Variants in FBXL17 observed in about 807,000 individuals in gnomAD.
FBXL17 encodes the protein F-box and leucine rich repeat protein 17, also known as F-box/LRR-repeat protein 17.
A neutral mutation model predicts 66.2 loss-of-function variants in FBXL17; 22 were observed. The observed-to-expected ratio is 0.33, with a 90% confidence interval of 0.24 to 0.47. The LOEUF (loss-of-function observed/expected upper bound fraction) is 0.47, where lower values mean the gene tolerates loss of function less well. Ranked by LOEUF, FBXL17 falls within the 20% of genes least tolerant of loss-of-function variation. The pLI is 1.00. For missense variants in FBXL17, 878 were observed against 948.2 expected (o/e 0.93, Z 0.97); for synonymous variants, 474 against 400.5 (o/e 1.18, Z -2.19).
chr5:108,273,308 G>A (rs892604641), intron 4 of FBXL17, among the ~76,000 whole-genome samples: 2 of 151,750 alleles, frequency 1.3e-5, no homozygotes, highest in Non-Finnish European at 2.9e-5. Context: ...CCTGCACATT[G>A]TGCACATGTA....
At chr5:108,159,693 T>G (rs1019280533) in intron 6 of FBXL17, among the ~76,000 whole-genome samples, 1 of 152,212 alleles carries the variant, frequency 6.6e-6, no homozygotes, top group African/African-American at 2.4e-5. Flanking sequence ...CATTCTGTTA[T>G]AGCAACCTGA....
chr5:108,018,342 G>A (rs182086560), intron 7 of FBXL17, among the ~76,000 whole-genome samples: 91 of 152,262 alleles, frequency 6.0e-4, no homozygotes, highest in Admixed American at 2.7e-3. Context: ...TAATAATAGG[G>A]TAGGGGGGAC....
At chr5:108,065,611 G>A (rs1263986408) in intron 6 of FBXL17, among the ~76,000 whole-genome samples, 1 of 152,102 alleles carries the variant, frequency 6.6e-6, no homozygotes. Context: ...AATAATTCAA[G>A]GTGTATGATT....
At chr5:108,057,531 C>G (rs1747755620) in intron 6 of FBXL17, among the ~76,000 whole-genome samples, 1 of 152,222 alleles carries the variant, frequency 6.6e-6, no homozygotes, top group Non-Finnish European at 1.5e-5. Flanking sequence ...CTTTTTGGAG[C>G]CTTTCTGATG....
chr5:108,331,820 A>C (rs995739414), intron 4 of FBXL17, among the ~76,000 whole-genome samples: 1 of 152,206 alleles, frequency 6.6e-6, no homozygotes, highest in Non-Finnish European at 1.5e-5. Flanking sequence ...CAACAAATCA[A>C]AACTGAAAAA....
chr5:107,927,590 A>G (rs1447517881), intron 7 of FBXL17, among the ~76,000 whole-genome samples: 1 of 152,182 alleles, frequency 6.6e-6, no homozygotes, highest in Admixed American at 6.6e-5. Flanking sequence ...TACTATGAAC[A>G]CATAATGATT....
chr5:108,025,701 ACAAAC>A lies in FBXL17; in HGVS notation c.1746-4705_1746-4701del, dbSNP rs1561373743. Among the ~76,000 whole-genome samples, 14 of 126,942 alleles carry A rather than the reference ACAAAC, an allele frequency of 1.1e-4. No homozygotes were observed. In the East Asian group the frequency reaches 2.4e-3, roughly 21 times the overall value. The allele number at this position is 126,942 out of a possible 152,430, so 83.3% of individuals were successfully genotyped here. ...CACATACACACACACACACACACAC[ACAAAC>A]ACACACACACACGCGCGCGCGCACA... On this transcript the variant is annotated intron_variant, in intron 6 of 8. Transcript: ENST00000542267.
chr5:107,973,354 A>ATTTTTTTTTTT (rs200079422), intron 7 of FBXL17, among the ~76,000 whole-genome samples: 7 of 120,456 alleles, frequency 5.8e-5, no homozygotes, highest in Non-Finnish European at 1.1e-4. Flanking sequence ...TTTTTTTGTA[A>ATTTTTTTTTTT]TTTTTTTTTT....
rs377199204 is a variant in FBXL17 at position 108,295,904 on chromosome 5, G to T, written c.1506+52495C>A. On this transcript the variant is annotated intron_variant, in intron 4 of 8. Transcript: ENST00000542267. ...TCGACTGTGTAGCACACAGTAGATA[G>T]CCATTAAAGAATCTTTAAAATGACC... Among the ~76,000 whole-genome samples the T allele has an allele frequency of 3.2e-4, 48 of 147,714 alleles. 2 individuals are homozygous for T. The South Asian group carries it at 1.0e-2, about 31-fold the overall frequency.
chr5:108,052,366 T>G (rs1267514913), intron 6 of FBXL17, among the ~76,000 whole-genome samples: 1 of 152,150 alleles, frequency 6.6e-6, no homozygotes, highest in East Asian at 1.9e-4. Context: ...AGTCTCAGGA[T>G]ACAAAATCAA....
At chr5:108,258,406 T>C (rs1580702648) in intron 4 of FBXL17, among the ~76,000 whole-genome samples, 1 of 152,284 alleles carries the variant, frequency 6.6e-6, no homozygotes, top group East Asian at 1.9e-4. Context: ...ATATGAAACA[T>C]GAACTTAAAA....
At chr5:108,120,104 C>G (rs147769012) in intron 6 of FBXL17, among the ~76,000 whole-genome samples, 1 of 152,318 alleles carries the variant, frequency 6.6e-6, no homozygotes, top group Non-Finnish European at 1.5e-5. Context: ...GGCTTGAGAA[C>G]AGCATCTTAA....
chr5:108,210,425 C>G (rs1754316388), intron 5 of FBXL17, among the ~76,000 whole-genome samples: 1 of 152,130 alleles, frequency 6.6e-6, no homozygotes, highest in African/African-American at 2.4e-5. Context: ...TTAGATCTTT[C>G]CTGCTTTCTC....
chr5:108,295,783 G>A (rs1030893729), intron 4 of FBXL17, among the ~76,000 whole-genome samples: 4 of 151,896 alleles, frequency 2.6e-5, no homozygotes, highest in Non-Finnish European at 4.4e-5. Context: ...GTCTCAAAAG[G>A]TAGGAAAGGG....
At chr5:108,239,274 T>TAA (rs1755746309) in intron 4 of FBXL17, among the ~76,000 whole-genome samples, 1 of 152,198 alleles carries the variant, frequency 6.6e-6, no homozygotes, top group East Asian at 1.9e-4. Flanking sequence ...TATCTGGTTT[T>TAA]AACTTCATAT....
intron 7 of FBXL17, among the ~76,000 whole-genome samples, chr5:107,970,019 A>T (rs1752307419): frequency 1.3e-5 from 2 of 152,182 alleles, no homozygotes; most frequent in Non-Finnish European, 2.9e-5. Context: ...GCATATCTTA[A>T]GGCTTTCAAA....
intron 6 of FBXL17, among the ~76,000 whole-genome samples, chr5:108,067,247 T>A (rs1417689834): frequency 1.3e-5 from 2 of 152,156 alleles, no homozygotes; most frequent in African/African-American, 4.8e-5. Flanking sequence ...CTGAGACATG[T>A]AAAACAGACT....
intron 4 of FBXL17, among the ~76,000 whole-genome samples, chr5:108,261,979 G>A (rs1254736660): frequency 1.3e-5 from 2 of 151,930 alleles, no homozygotes; most frequent in African/African-American, 4.8e-5. Flanking sequence ...ACTTAGGGAT[G>A]AGATGGGGAG....
In FBXL17 at chr5:107,861,760, T is replaced by A. The variant is rs1358864178; in HGVS notation, c.2066A>T (p.Gln689Leu). ...DCKRTLERAY[Q>L]MGWTPNMSAA... ...AGACATGTTGGGGGTCCAGCCCATC[T>A]GATAGGCTCTCTCCAAGGTCCTCTT... The change falls in exon 9 of 9, where the codon CAG (glutamine) becomes CTG (leucine). Residue 689 changes from glutamine (Q) to leucine (L), a missense_variant. Around this residue, in one of 4 missense-constraint regions of FBXL17, gnomAD observed 31 missense variants for 27.0 expected, o/e 1.15. Transcript: ENST00000542267. 3 of 1,587,000 alleles carry A rather than the reference T, an allele frequency of 1.9e-6. No homozygotes were observed.
Sources: allele counts gnomAD v4.1 joint callset (sites outside exome capture counted in the v4.1 genomes callset), GRCh38; gene constraint gnomAD v4.1.1; regional missense constraint gnomAD v4.1.1; transcripts MANE v1.5; gene names NCBI Gene and HGNC (gene_info 2026-07-23, HGNC 2026-07-21).